The following AKAP6 variants were observed in gnomAD, a reference collection of about 807,000 sequenced individuals.
AKAP6 encodes the protein A-kinase anchor protein 6.
In AKAP6, 58 loss-of-function variants were observed where a neutral mutation model predicts 188.5. That is an observed-to-expected ratio of 0.31 (90% CI 0.25 to 0.38). The LOEUF is 0.38. Among genes scored for constraint, AKAP6 ranks in the 10% least tolerant of loss-of-function variants. The pLI is 1.00. For missense variants in AKAP6, 2,710 were observed against 2,740.0 expected, an observed-to-expected ratio of 0.99 and a Z score of 0.24; for synonymous variants, 989 against 998.6, an observed-to-expected ratio of 0.99 and a Z score of 0.18.
At chr14:32,454,506 G>A (rs1472038226) in intron 2 of AKAP6, among the ~76,000 whole-genome samples, 2 of 152,204 alleles carry the variant, frequency 1.3e-5, no homozygotes, top group Non-Finnish European at 2.9e-5. Flanking sequence ...GCAGTAGTTG[G>A]TCTTGCACTT....
rs537168740 is a variant in AKAP6, at chr14:32,632,388, T to A, written c.2730+31596T>A. Among the ~76,000 whole-genome samples the A allele has an allele frequency of 2.8e-4, 43 of 152,216 alleles. 1 individual carries two copies. In the Middle Eastern group the frequency reaches 0.014, roughly 48 times the overall value. On this transcript the variant is annotated intron_variant, in intron 7 of 13. Coordinates refer to ENST00000280979, the MANE Select transcript of AKAP6 (RefSeq NM_004274.5). ...TTAATGCCTACCATACATCCTAATA[T>A]GTTGTCTTCCCTAGACTTTCAAGTT... is the stretch of plus-strand genomic sequence containing the variant.
In AKAP6 at chr14:32,479,839, G is replaced by A. The variant is rs560551661; in HGVS notation, c.324+46022G>A. ...CCCTTGCCACACACTGAATCTACTG[G>A]CACCTTGATCTGGGACTTCCCAGCC... On this transcript the variant is annotated intron_variant, in intron 2 of 13. Coordinates refer to ENST00000280979, the MANE Select transcript of AKAP6 (RefSeq NM_004274.5). 2.6e-5 allele frequency among the ~76,000 whole-genome samples: 4 copies of A among 152,240 alleles called. No individual in the cohort carries two copies. In the East Asian group the frequency reaches 7.7e-4, roughly 29 times the overall value.
intron 8 of AKAP6, among the ~76,000 whole-genome samples, chr14:32,695,029 G>A (rs1401773297): frequency 6.6e-6 from 1 of 152,186 alleles, no homozygotes; most frequent in Non-Finnish European, 1.5e-5. Context: ...TTCATTTTCA[G>A]ATCACAGTGT....
intron 1 of AKAP6, among the ~76,000 whole-genome samples, chr14:32,368,532 T>G (rs932667513): frequency 8.6e-5 from 13 of 151,656 alleles, no homozygotes; most frequent in Admixed American, 8.5e-4. Context: ...GAAGTGACTT[T>G]AAAGGAATTA....
intron 1 of AKAP6, among the ~76,000 whole-genome samples, chr14:32,416,619 A>G (rs1436290392): frequency 1.3e-5 from 2 of 151,924 alleles, no homozygotes; most frequent in South Asian, 2.1e-4. Flanking sequence ...CAGTGATGCA[A>G]TCTTGGCTCA....
chr14:32,832,405 A>AT lies in AKAP6; in HGVS notation c.*2601dup, dbSNP rs1436302798. Reference sequence around the variant, plus strand: ...ACATTCAAAGAACAAACTGACAATGATGTTCTACCTACTTGTTACATGCTC... The same window carrying AT: ...ACATTCAAAGAACAAACTGACAATGATTGTTCTACCTACTTGTTACATGCTC... On this transcript the variant is annotated 3_prime_UTR_variant, in exon 14 of 14. Transcript: ENST00000280979. 1 of 152,190 alleles carries AT rather than the reference A, an allele frequency of 6.6e-6. No individual in the cohort carries two copies. Among genetic ancestry groups the AT allele is most frequent in the Non-Finnish European group, 1.5e-5 (1 of 68,034 alleles). The allele number at this position is 152,190 out of a possible 1,614,324, so 9.4% of individuals were successfully genotyped here. A position where few individuals can be genotyped will look rare whatever the true frequency, so the allele number is the denominator to read the frequency against.
intron 5 of AKAP6, among the ~76,000 whole-genome samples, chr14:32,581,953 G>T (rs1406064140): frequency 6.6e-6 from 1 of 152,064 alleles, no homozygotes; most frequent in Non-Finnish European, 1.5e-5. Context: ...TATCCAATTT[G>T]CCAGTCTGTG....
chr14:32,343,449 A>G (rs889003305), intron 1 of AKAP6, among the ~76,000 whole-genome samples: 1 of 151,966 alleles, frequency 6.6e-6, no homozygotes, highest in African/African-American at 2.4e-5. Context: ...GTCTTGTACC[A>G]TAATCTACTC....
intron 2 of AKAP6, among the ~76,000 whole-genome samples, chr14:32,482,718 A>G (rs952155051): frequency 1.9e-4 from 29 of 152,326 alleles, no homozygotes; most frequent in African/African-American, 6.7e-4. Flanking sequence ...TATCTTCTAC[A>G]TAAATGTATT....
At chr14:32,348,320 A>G (rs1403422208) in intron 1 of AKAP6, among the ~76,000 whole-genome samples, 1 of 152,184 alleles carries the variant, frequency 6.6e-6, no homozygotes, top group African/African-American at 2.4e-5. Flanking sequence ...CGTAAAAAGC[A>G]GGAATCCCAA....
chr14:32,803,710 A>G (rs1228514480), intron 12 of AKAP6, among the ~76,000 whole-genome samples: 5 of 152,126 alleles, frequency 3.3e-5, no homozygotes, highest in African/African-American at 1.2e-4. Flanking sequence ...GCTCTAGGCA[A>G]TCTCACTCAT....
intron 1 of AKAP6, among the ~76,000 whole-genome samples, chr14:32,350,353 T>G (rs192669059): frequency 6.6e-6 from 1 of 152,340 alleles, no homozygotes; most frequent in East Asian, 1.9e-4. Context: ...TTCATTTTAA[T>G]TATCAGAAAA....
chr14:32,536,822 G>A (rs953420931), intron 3 of AKAP6, among the ~76,000 whole-genome samples: 3 of 152,088 alleles, frequency 2.0e-5, no homozygotes, highest in South Asian at 2.1e-4. Context: ...GCTAAGCAGC[G>A]GCTGTATGTA....
chr14:32,549,315 C>T (rs1425817577), intron 4 of AKAP6, among the ~76,000 whole-genome samples: 1 of 152,128 alleles, frequency 6.6e-6, no homozygotes, highest in Non-Finnish European at 1.5e-5. Context: ...TAGAATTTGA[C>T]TGGGCAGTTC....
intron 1 of AKAP6, among the ~76,000 whole-genome samples, chr14:32,417,007 A>AT (rs1169166207): frequency 2.6e-5 from 4 of 151,968 alleles, no homozygotes; most frequent in Non-Finnish European, 5.9e-5. Flanking sequence ...CAACCAGATA[A>AT]TTTTTTGTAT....
chr14:32,535,628 G>T lies in AKAP6; in HGVS notation c.399G>T (p.Leu133=), dbSNP rs184880734. 2.5e-6 allele frequency: 4 copies of T among 1,614,208 alleles called. No homozygotes were observed. Among genetic ancestry groups the T allele is most frequent in the African/African-American group, 1.3e-5 (1 of 75,054 alleles). ...TTGAAACAGAGTTCTCCCTAAAGCTGCTGTCTTACTCTGTCAACGTGATAG... is the reference window on the plus strand; with the variant it reads ...TTGAAACAGAGTTCTCCCTAAAGCTTCTGTCTTACTCTGTCAACGTGATAG... The part of the protein sequence containing the change: ...ALLETEFSLK[L]LSYSVNVIVD... The change falls in exon 3 of 14, where the codon CTG becomes CTT. Residue 133 remains leucine, a synonymous_variant. Coordinates refer to ENST00000280979, the MANE Select transcript of AKAP6 (RefSeq NM_004274.5).
At chr14:32,430,075 G>A (rs1334153515) in intron 1 of AKAP6, among the ~76,000 whole-genome samples, 1 of 152,132 alleles carries the variant, frequency 6.6e-6, no homozygotes, top group African/African-American at 2.4e-5. Flanking sequence ...TTTCATGATA[G>A]TAATTTATTC....
chr14:32,537,412 G>T (rs538889233), intron 3 of AKAP6, among the ~76,000 whole-genome samples: 1 of 152,302 alleles, frequency 6.6e-6, no homozygotes, highest in South Asian at 2.1e-4. Flanking sequence ...AGACTACAAA[G>T]AATCTCAAGC....
rs772663126 is a variant in AKAP6 at position 32,821,423 on chromosome 14, C to T, written c.3610C>T (p.Pro1204Ser). ...ACAGGAGACTTTGAATGTGATTGAT[C>T]CTGGCTTGATGGACCTAAATGGGAT... is the stretch of plus-strand genomic sequence containing the variant. ...KESETLNVID[P>S]GLMDLNGMSE... The change falls in exon 13 of 14, where the codon CCT becomes TCT. Residue 1204 changes from proline to serine, a missense_variant. Physicochemically the swap from Pro to Ser is moderately conservative, Grantham distance 74. Coordinates refer to ENST00000280979, the MANE Select transcript of AKAP6 (RefSeq NM_004274.5). 4 of 1,610,652 alleles carry T rather than the reference C, an allele frequency of 2.5e-6. No homozygotes were observed. The highest frequency in any genetic ancestry group is 1.3e-5 in the African/African-American group (1 of 74,774).
Sources: allele counts gnomAD v4.1 joint callset (sites outside exome capture counted in the v4.1 genomes callset), GRCh38; gene constraint gnomAD v4.1.1; transcripts MANE v1.5; gene names NCBI Gene and HGNC (gene_info 2026-07-23, HGNC 2026-07-21).